Variants in FAM135B observed in about 807,000 individuals in gnomAD.
FAM135B encodes family with sequence similarity 135 member B.
In FAM135B, 43 loss-of-function variants were observed where a neutral mutation model predicts 127.7. The observed-to-expected ratio is 0.34, with a 90% CI of 0.26 to 0.43. The LOEUF (loss-of-function observed/expected upper bound fraction) is 0.43, where lower values mean the gene tolerates loss of function less well. FAM135B is among the 20% of genes least tolerant of loss of function. FAM135B has a pLI of 1.00. For missense variants in FAM135B, 1,558 were observed against 1,725.6 expected (o/e 0.90, Z 1.72); for synonymous variants, 670 against 665.1 (o/e 1.01, Z -0.11).
intron 1 of FAM135B, chr8:138,437,334 G>A (rs915452624): frequency 2.6e-5 from 4 of 152,156 alleles, no homozygotes; most frequent in African/African-American, 9.7e-5. Context: ...CACCTGTCAT[G>A]GAAGGAACCT....
rs933866852 is a variant in FAM135B at position 138,242,006 on chromosome 8, C to T, written c.669+936G>A. On this transcript the variant is annotated intron_variant, in intron 7 of 19. Coordinates refer to ENST00000395297, the MANE Select transcript of FAM135B (RefSeq NM_015912.4). The surrounding 1 kb of genome is among the most constrained non-coding windows in gnomAD (Gnocchi z 9.6). The stretch of plus-strand genomic sequence containing the variant: ...TCTCCTGCCTTTGGACTTAGACTTG[C>T]AAGGGGCCTTATAACACTAGCTTTC... Among the ~76,000 whole-genome samples, 4 of 152,092 alleles carry T rather than the reference C, an allele frequency of 2.6e-5. No individual in the cohort carries two copies. The highest frequency in any genetic ancestry group is 9.7e-5 in the African/African-American group (4 of 41,408).
intron 1 of FAM135B, among the ~76,000 whole-genome samples, chr8:138,374,668 C>T (rs553602630): frequency 4.6e-5 from 7 of 152,192 alleles, no homozygotes; most frequent in African/African-American, 9.6e-5. Context: ...AAACTAAGAC[C>T]GGAGGCTCTA....
chr8:138,217,727 G>A (rs1456911998), intron 7 of FAM135B, among the ~76,000 whole-genome samples: 3 of 152,046 alleles, frequency 2.0e-5, no homozygotes, highest in Non-Finnish European at 2.9e-5. Context: ...CACCATGCCC[G>A]GCCGATATAT....
chr8:138,404,406 C>T (rs182472024), intron 1 of FAM135B, among the ~76,000 whole-genome samples: 8 of 152,064 alleles, frequency 5.3e-5, no homozygotes, highest in South Asian at 2.1e-4. Context: ...GCTGACTGAT[C>T]GGGGTAATAG....
intron 1 of FAM135B, among the ~76,000 whole-genome samples, chr8:138,458,594 C>A (rs1739306455): frequency 6.6e-6 from 1 of 152,194 alleles, no homozygotes. Flanking sequence ...GGTACCAAAT[C>A]TACTATCACT....
chr8:138,419,336 T>A (rs75985536), intron 1 of FAM135B, among the ~76,000 whole-genome samples: 1,640 of 152,144 alleles, frequency 0.011, 27 homozygotes, highest in African/African-American at 0.037. Context: ...GCACCCAACA[T>A]TGGAGCACCA....
chr8:138,215,899 G>A lies in FAM135B; in HGVS notation c.670-18230C>T, dbSNP rs563725296. Among the ~76,000 whole-genome samples the A allele has an allele frequency of 1.6e-4, 24 of 152,240 alleles. No homozygotes were observed. The South Asian group carries it at 3.3e-3, about 21-fold the overall frequency. ...CATCAGTTTCTTTGGACATTCTCTC[G>A]GGAATGAGAATGAGATCAGCATAGA... is the stretch of plus-strand genomic sequence containing the variant. On this transcript the variant is annotated intron_variant, in intron 7 of 19. Coordinates refer to ENST00000395297, the MANE Select transcript of FAM135B (RefSeq NM_015912.4).
chr8:138,363,465 C>G (rs1163262116), intron 2 of FAM135B, among the ~76,000 whole-genome samples: 1 of 152,158 alleles, frequency 6.6e-6, no homozygotes, highest in East Asian at 1.9e-4. Context: ...GCCAGGTCCT[C>G]AGTACTTCCC....
At chr8:138,408,040 G>A (rs947492926) in intron 1 of FAM135B, among the ~76,000 whole-genome samples, 2 of 152,122 alleles carry the variant, frequency 1.3e-5, no homozygotes, top group Non-Finnish European at 2.9e-5. Context: ...TCCATTTCTA[G>A]AGCACAGGCA....
intron 7 of FAM135B, among the ~76,000 whole-genome samples, chr8:138,239,624 T>A (rs552687993): frequency 6.6e-6 from 1 of 152,314 alleles, no homozygotes; most frequent in African/African-American, 2.4e-5. Flanking sequence ...AGAAATACCA[T>A]TTGACCCAGC....
intron 1 of FAM135B, among the ~76,000 whole-genome samples, chr8:138,491,142 C>CAAAAAAAAAAA (rs796189435): frequency 1.4e-5 from 1 of 73,760 alleles, no homozygotes; most frequent in African/African-American, 4.5e-5. Flanking sequence ...AACTCTCTCT[C>CAAAAAAAAAAA]AAAAAAAAAA....
At chr8:138,367,693 T>A (rs1386566513) in intron 2 of FAM135B, among the ~76,000 whole-genome samples, 1 of 151,954 alleles carries the variant, frequency 6.6e-6, no homozygotes, top group Non-Finnish European at 1.5e-5. Flanking sequence ...AGGAGATGAA[T>A]TAGCACTTTC....
intron 9 of FAM135B, among the ~76,000 whole-genome samples, chr8:138,189,435 T>C (rs939238988): frequency 2.6e-5 from 4 of 152,276 alleles, no homozygotes; most frequent in African/African-American, 9.6e-5. Flanking sequence ...TGCAAAAGGC[T>C]GTTTTACCGT....
chr8:138,355,169 CA>C (rs1483355842), intron 2 of FAM135B, among the ~76,000 whole-genome samples: 2 of 152,136 alleles, frequency 1.3e-5, no homozygotes, highest in African/African-American at 4.8e-5. Flanking sequence ...AGCGATTCCT[CA>C]GAGATCTAGA....
intron 3 of FAM135B, among the ~76,000 whole-genome samples, chr8:138,303,252 G>T (rs1158865577): frequency 6.6e-6 from 1 of 152,170 alleles, no homozygotes; most frequent in African/African-American, 2.4e-5. Context: ...GTATTATGCA[G>T]CCATAAAAAA....
At chr8:138,356,811 A>G (rs1830120340) in intron 2 of FAM135B, among the ~76,000 whole-genome samples, 1 of 152,170 alleles carries the variant, frequency 6.6e-6, no homozygotes, top group South Asian at 2.1e-4. Flanking sequence ...GAAGATTTGT[A>G]GACATTTTCT....
intron 7 of FAM135B, among the ~76,000 whole-genome samples, chr8:138,210,721 T>C (rs1250835358): frequency 6.6e-6 from 1 of 152,164 alleles, no homozygotes; most frequent in Non-Finnish European, 1.5e-5. Flanking sequence ...GGAATTATAA[T>C]TCGACATGAG....
chr8:138,170,217 CTTTTTTT>C (rs141401317), intron 11 of FAM135B, among the ~76,000 whole-genome samples: 1 of 112,064 alleles, frequency 8.9e-6, no homozygotes, highest in Non-Finnish European at 1.8e-5. Context: ...CTGTTACTAT[CTTTTTTT>C]TTTTTTTTTT....
intron 2 of FAM135B, among the ~76,000 whole-genome samples, chr8:138,366,679 C>T (rs1830761397): frequency 6.6e-6 from 1 of 152,188 alleles, no homozygotes; most frequent in African/African-American, 2.4e-5. Context: ...GGGGCCATAG[C>T]ACACAAGAGG....
Sources: gnomAD v4.1 joint callset for allele counts (sites outside exome capture counted in the v4.1 genomes callset) on GRCh38, gnomAD v4.1.1 for gene constraint, Gnocchi (gnomAD v3.1) non-coding constraint, MANE v1.5 for transcripts, NCBI Gene and HGNC (gene_info 2026-07-23, HGNC 2026-07-21) for gene names.